Variants in MGRN1 observed in about 807,000 individuals in gnomAD.
MGRN1 encodes the protein E3 ubiquitin-protein ligase MGRN1.
A neutral mutation model predicts 69.2 loss-of-function variants in MGRN1; 29 were observed. The observed-to-expected ratio is 0.42, with a 90% CI of 0.31 to 0.57. The LOEUF (loss-of-function observed/expected upper bound fraction) is 0.57. MGRN1 is among the 20% of genes least tolerant of loss of function. The pLI is 0.15. For missense variants in MGRN1, 998 were observed against 796.2 expected (o/e 1.25, Z -3.05); for synonymous variants, 470 against 344.2 (o/e 1.37, Z -4.04).
chr16:4,688,889 CCGAG>C lies in MGRN1; in HGVS notation c.1714_1717del (p.Glu572Ter). The C allele has an allele frequency of 6.5e-7, 1 of 1,549,246 alleles. No individual in the cohort carries two copies. The highest frequency in any genetic ancestry group is 1.7e-4 in the Middle Eastern group (1 of 5,786). On this transcript the variant is annotated frameshift_variant, in exon 17 of 17. Coordinates refer to ENST00000262370, the MANE Select transcript of MGRN1 (RefSeq NM_015246.4). LOFTEE classifies it high-confidence loss of function. ...GGCCCCAGCCCCGATCCCAGCGCCGCCGAGCTGACCCCACTCTGAGAGCCTGGCC... is the reference window on the plus strand; with the variant it reads ...GGCCCCAGCCCCGATCCCAGCGCCGCCTGACCCCACTCTGAGAGCCTGGCC...
intron 16 of MGRN1, among the ~76,000 whole-genome samples, chr16:4,685,242 C>G (rs1324795337): frequency 1.3e-5 from 2 of 152,240 alleles, no homozygotes; most frequent in Non-Finnish European, 2.9e-5. Flanking sequence ...AGGACCTCAG[C>G]TTCTGGGAGC....
chr16:4,658,886 A>G (rs2078613737), intron 5 of MGRN1: 1 of 152,172 alleles, frequency 6.6e-6, no homozygotes, highest in Admixed American at 6.5e-5. Flanking sequence ...AGTCCCAGCT[A>G]CTGAGGAGGC....
In MGRN1 at chr16:4,657,325, T is replaced by G. The variant is rs1166421755; in HGVS notation, c.523T>G (p.Ser175Ala). ...GGTGAGCCAGCAGTTCTCCCTGCCC[T>G]CCTTCAAGATTGACTTCTCGGAATG... The part of the protein sequence containing the change: ...RGVSQQFSLP[S>A]FKIDFSEWKD... The change falls in exon 5 of 17, where the codon TCC becomes GCC. Residue 175 changes from serine to alanine, a missense_variant. Physicochemically the swap from Ser to Ala is moderately conservative, Grantham distance 99. Transcript: ENST00000262370. 6.2e-7 allele frequency: 1 copy of G among 1,614,006 alleles called. No individual in the cohort carries two copies. Among genetic ancestry groups the G allele is most frequent in the Admixed American group, 1.7e-5 (1 of 60,006 alleles).
At chr16:4,628,279 G>A (rs1410062930) in intron 1 of MGRN1, among the ~76,000 whole-genome samples, 1 of 149,312 alleles carries the variant, frequency 6.7e-6, no homozygotes. Context: ...CCAGCCACTC[G>A]GGAGGCTGAG....
intron 11 of MGRN1, among the ~76,000 whole-genome samples, chr16:4,679,658 C>T (rs998747070): frequency 6.6e-6 from 1 of 152,192 alleles, no homozygotes; most frequent in South Asian, 2.1e-4. Flanking sequence ...GGACTTTGAC[C>T]AGTGTGGCTT....
At chr16:4,662,596 T>G (rs1420239785) in intron 5 of MGRN1, among the ~76,000 whole-genome samples, 1 of 152,018 alleles carries the variant, frequency 6.6e-6, no homozygotes, top group Non-Finnish European at 1.5e-5. Context: ...GCTGGGTCTG[T>G]CGAGAGGACT....
intron 1 of MGRN1, among the ~76,000 whole-genome samples, chr16:4,635,740 C>G (rs1898251637): frequency 6.6e-6 from 1 of 151,698 alleles, no homozygotes; most frequent in South Asian, 2.1e-4. Context: ...GTTTAAGCGA[C>G]TCTCCCGCCA....
chr16:4,685,296 G>GC (rs1437925909), intron 16 of MGRN1, among the ~76,000 whole-genome samples: 1 of 152,264 alleles, frequency 6.6e-6, no homozygotes, highest in Non-Finnish European at 1.5e-5. Context: ...CTGTGGGGGA[G>GC]CATCTCAGAG....
chr16:4,673,738 G>A, intron 10 of MGRN1, 81 bp downstream of exon 10: 2 of 1,517,210 alleles, frequency 1.3e-6, no homozygotes, highest in Non-Finnish European at 1.8e-6. Context: ...GGGATAGGGG[G>A]CCACAGGTCC....
intron 1 of MGRN1, among the ~76,000 whole-genome samples, chr16:4,642,239 TC>T (rs1275935506): frequency 6.6e-6 from 1 of 151,916 alleles, no homozygotes; most frequent in Non-Finnish European, 1.5e-5. Context: ...CGAGAGATTC[TC>T]CTGTCTCAGC....
intron 5 of MGRN1, 25 bp from the exon 6 acceptor site, chr16:4,664,684 C>A (rs770669009): frequency 6.2e-7 from 1 of 1,613,764 alleles, no homozygotes; most frequent in African/African-American, 1.3e-5. Context: ...TGGGTCCTGA[C>A]CATTCTTGGC....
At chr16:4,677,698 C>A (rs2079083046) in intron 11 of MGRN1, 126 bp downstream of exon 11, 5 of 883,624 alleles carry the variant, frequency 5.7e-6, no homozygotes, top group African/African-American at 1.7e-5. Context: ...AGGCATGGCC[C>A]CCATGGATGG....
intron 1 of MGRN1, among the ~76,000 whole-genome samples, chr16:4,642,918 C>G (rs547547312): frequency 6.6e-6 from 1 of 152,026 alleles, no homozygotes; most frequent in East Asian, 1.9e-4. Flanking sequence ...TCCCGAGTAC[C>G]TTGGACTGCA....
chr16:4,676,347 G>A (rs2079052824), intron 10 of MGRN1, among the ~76,000 whole-genome samples: 1 of 152,256 alleles, frequency 6.6e-6, no homozygotes, highest in African/African-American at 2.4e-5. Context: ...CCAGGAGGCA[G>A]GCAGTGTTGA....
rs1166734489 is a variant in MGRN1 at position 4,630,048 on chromosome 16, CAAAA to C, written c.88+5018_88+5021del. Among the ~76,000 whole-genome samples, 57 of 43,852 alleles carry C rather than the reference CAAAA, an allele frequency of 1.3e-3. 1 individual carries two copies. The highest frequency in any genetic ancestry group is 3.6e-3 in the African/African-American group (51 of 13,994). 28.8% of individuals were successfully genotyped at this position (43,852 alleles called of 152,430 possible). A position where few individuals can be genotyped will look rare whatever the true frequency, so the allele number is the denominator to read the frequency against. On this transcript the variant is annotated intron_variant, in intron 1 of 16. Coordinates refer to ENST00000262370, the MANE Select transcript of MGRN1 (RefSeq NM_015246.4). ...CTGGGCAAACAGTGAGACACCATCT[CAAAA>C]AAAAAAAAAAAAAAAAAGCGCAGGT... is the stretch of plus-strand genomic sequence containing the variant.
rs556027376 is a variant in MGRN1, at chr16:4,683,076, C to T, written c.1482+130C>T. On this transcript the variant is annotated intron_variant, in intron 14 of 16. Coordinates refer to ENST00000262370, the MANE Select transcript of MGRN1 (RefSeq NM_015246.4). Reference sequence around the variant, plus strand: ...GTGCTTGTTGGCTCTTGCTGAGCTGCGCGGCTCCTTAGCCTCGGTCTGTGG... The same window carrying T: ...GTGCTTGTTGGCTCTTGCTGAGCTGTGCGGCTCCTTAGCCTCGGTCTGTGG... The T allele has an allele frequency of 5.0e-5, 74 of 1,487,640 alleles. No homozygotes were observed. The African/African-American group carries it at 9.0e-4, about 18-fold the overall frequency. The allele number at this position is 1,487,640 out of a possible 1,614,324, so 92.2% of individuals were successfully genotyped here. A position where few individuals can be genotyped will look rare whatever the true frequency, so the allele number is the denominator to read the frequency against.
intron 1 of MGRN1, among the ~76,000 whole-genome samples, chr16:4,644,875 T>A (rs572856202): frequency 1.3e-5 from 2 of 152,304 alleles, no homozygotes; most frequent in Admixed American, 1.3e-4. Context: ...ATTACCTTGA[T>A]CTAATTCTAG....
At chr16:4,666,926 C>G (rs540139689) in intron 7 of MGRN1, among the ~76,000 whole-genome samples, 241 of 152,334 alleles carry the variant, frequency 1.6e-3, no homozygotes, top group African/African-American at 5.7e-3. Context: ...TGCTGCCCAC[C>G]TGGCATGGGT....
intron 7 of MGRN1, among the ~76,000 whole-genome samples, chr16:4,666,861 T>A (rs1037712732): frequency 6.6e-6 from 1 of 152,176 alleles, no homozygotes; most frequent in Non-Finnish European, 1.5e-5. Context: ...CAGAGCTGAG[T>A]TTGATGTCTG....
Sources: allele counts gnomAD v4.1 joint callset (sites outside exome capture counted in the v4.1 genomes callset), GRCh38; gene constraint gnomAD v4.1.1; transcripts MANE v1.5; gene names NCBI Gene and HGNC (gene_info 2026-07-23, HGNC 2026-07-21).